RNF213: variants seen among roughly 807,000 people sequenced by gnomAD.
RNF213 encodes ring finger protein 213, also known as E3 ubiquitin-protein ligase RNF213.
RNF213 carries 341 observed loss-of-function variants against 514.4 expected under a neutral mutation model. The observed-to-expected ratio is 0.66, with a 90% CI of 0.61 to 0.73. The LOEUF is 0.73. Ranked by LOEUF, RNF213 falls within the 30% of genes least tolerant of loss-of-function variation. The pLI is 0.00. For synonymous variants in RNF213, 2,655 were observed against 2,658.2 expected (o/e 1.00, Z 0.04); for missense variants, 5,767 against 6,615.6 (o/e 0.87, Z 4.45).
At chr17:80,363,459 C>A in intron 40 of RNF213, 145 bp downstream of exon 40, 1 of 1,182,676 alleles carries the variant, frequency 8.5e-7, no homozygotes, top group Non-Finnish European at 1.2e-6. Flanking sequence ...ATGTTAAGGA[C>A]ACATCTCGCT....
At chr17:80,349,402 A>G (rs1314007703) in intron 29 of RNF213, among the ~76,000 whole-genome samples, 1 of 152,166 alleles carries the variant, frequency 6.6e-6, no homozygotes, top group African/African-American at 2.4e-5. Flanking sequence ...GGACAGCACC[A>G]ACCACGAACT....
At position 80,339,982 on chromosome 17, in the gene RNF213, A is replaced by G; in HGVS notation, c.5615A>G (p.Glu1872Gly). The part of the protein sequence containing the change: ...VLLCTPATTF[E>G]EVALLLRRCL... The stretch of plus-strand genomic sequence containing the variant: ...CTCTGCACCCCGGCAACCACCTTTG[A>G]GGAGGTGGCACTGTTGCTGCGCCGC... Residue 1872 changes from glutamate (E) to glycine (G), a missense_variant, in exon 26 of 68, where the codon GAG becomes GGG. This residue lies in a region of RNF213 where 1,377 missense variants were observed against 1,635.2 expected (regional missense o/e 0.84). Coordinates refer to ENST00000582970, the MANE Select transcript of RNF213 (RefSeq NM_001256071.3). 1 of 1,537,504 alleles carries G rather than the reference A, an allele frequency of 6.5e-7. No individual in the cohort carries two copies. Among genetic ancestry groups the G allele is most frequent in the East Asian group, 2.4e-5 (1 of 40,904 alleles).
Position 80,337,848 on chromosome 17 carries a change from G to A in RNF213, c.4684G>A (p.Val1562Ile). 1 of 1,537,238 alleles carries A rather than the reference G, an allele frequency of 6.5e-7. No homozygotes were observed. The highest frequency in any genetic ancestry group is 2.0e-5 in the Admixed American group (1 of 51,000). ...CTCTTCACAGATTTCCCCAGACACG[G>A]TTCTGCACTTGATCCTTCCTGAGAG... is the stretch of plus-strand genomic sequence containing the variant. ...KGGQKISPDTVLHLILPESPG... is the reference protein window; with the variant it reads ...KGGQKISPDTILHLILPESPG... The change falls in exon 25 of 68, where the codon GTT (valine) becomes ATT (isoleucine). Residue 1562 changes from valine to isoleucine, a missense_variant. Transcript: ENST00000582970.
In RNF213 at chr17:80,352,763, T is replaced by C. The variant is rs745883063; in HGVS notation, c.10304-177T>C. 52 of 872,858 alleles carry C rather than the reference T, an allele frequency of 6.0e-5. No individual in the cohort carries two copies. In the Admixed American group the frequency reaches 8.4e-4, roughly 14 times the overall value. The allele number at this position is 872,858 out of a possible 1,614,324, so 54.1% of individuals were successfully genotyped here. ...GATGGGCATAGAATCGGGTCGTGTATAGTATCGGGTTGGGTGGTTTCTGCG... is the reference window on the plus strand; with the variant it reads ...GATGGGCATAGAATCGGGTCGTGTACAGTATCGGGTTGGGTGGTTTCTGCG... On this transcript the variant is annotated intron_variant, in intron 32 of 67. Coordinates refer to ENST00000582970, the MANE Select transcript of RNF213 (RefSeq NM_001256071.3).
chr17:80,385,432 C>T, intron 60 of RNF213, 106 bp from the exon 61 acceptor site: 1 of 1,052,556 alleles, frequency 9.5e-7, no homozygotes, highest in Admixed American at 1.9e-5. Flanking sequence ...CTTGTGACTG[C>T]ACAAAGCAGG....
intron 10 of RNF213, among the ~76,000 whole-genome samples, chr17:80,296,021 G>C (rs995157190): frequency 2.0e-5 from 3 of 151,908 alleles, no homozygotes; most frequent in African/African-American, 7.3e-5. Flanking sequence ...TGAATTCCCT[G>C]CCTTTTGTTT....
At chr17:80,322,806 C>G (rs1281735202) in intron 17 of RNF213, among the ~76,000 whole-genome samples, 1 of 152,076 alleles carries the variant, frequency 6.6e-6, no homozygotes, top group Non-Finnish European at 1.5e-5. Context: ...TATATGATTG[C>G]AAGTATTTTC....
At chr17:80,319,610 G>A in intron 17 of RNF213, 1 of 1,543,990 alleles carries the variant, frequency 6.5e-7, no homozygotes, top group Non-Finnish European at 8.7e-7. Flanking sequence ...TCCTCAGATG[G>A]CCCTGTCATC....
intron 11 of RNF213, among the ~76,000 whole-genome samples, chr17:80,304,321 T>A (rs1020879728): frequency 2.6e-5 from 4 of 152,158 alleles, no homozygotes; most frequent in Non-Finnish European, 4.4e-5. Flanking sequence ...CTTGGGCTGT[T>A]TGATCCTGGA....
intron 32 of RNF213, 114 bp from the exon 33 acceptor site, chr17:80,352,826 C>A: frequency 1.3e-6 from 2 of 1,521,414 alleles, no homozygotes; most frequent in Non-Finnish European, 1.8e-6. Context: ...GGGTGCCAGT[C>A]ATTCATTGCG....
rs1230294491 is a variant in RNF213 at position 80,288,122 on chromosome 17, C to T, written c.569C>T (p.Ala190Val). The change falls in exon 4 of 68, where the codon GCT becomes GTT. Residue 190 changes from alanine to valine, a missense_variant. Ala to Val is a moderately conservative substitution (Grantham distance 64). Coordinates refer to ENST00000582970, the MANE Select transcript of RNF213 (RefSeq NM_001256071.3). This position sits in a 1 kb window ranked among gnomAD's most constrained non-coding sequence, Gnocchi z 4.9. ...GCAGGAGTGGCCACAGGAAGTGAGG[C>T]TCAGAGCAGCCCGCAATTCCAGGAC... is the stretch of plus-strand genomic sequence containing the variant. ...GEAGVATGSE[A>V]QSSPQFQDHT... The T allele has an allele frequency of 7.5e-6, 12 of 1,609,290 alleles. No homozygotes were observed. The highest frequency in any genetic ancestry group is 9.3e-6 in the Non-Finnish European group (11 of 1,177,098).
chr17:80,381,470 C>G (rs1474011427), intron 56 of RNF213, 77 bp from the exon 57 acceptor site: 1 of 1,475,290 alleles, frequency 6.8e-7, no homozygotes, highest in African/African-American at 1.4e-5. Context: ...GCTCCACTCC[C>G]AATGGCCTCT....
Position 80,343,828 on chromosome 17 carries a change from GT to G in RNF213, c.6184-26del. The stretch of plus-strand genomic sequence containing the variant: ...GGGAGAACTCGCCATCGTGTCGTGT[GT>G]TTACACCTCGTGCGATTCTGTTCTT... On this transcript the variant is annotated intron_variant, in intron 27 of 67. Coordinates refer to ENST00000582970, the MANE Select transcript of RNF213 (RefSeq NM_001256071.3). The surrounding 1 kb of genome is among the most constrained non-coding windows in gnomAD (Gnocchi z 4.3). The G allele has an allele frequency of 1.2e-6, 2 of 1,613,818 alleles. No individual in the cohort carries two copies. The highest frequency in any genetic ancestry group is 1.7e-6 in the Non-Finnish European group (2 of 1,179,802).
intron 11 of RNF213, among the ~76,000 whole-genome samples, chr17:80,304,959 C>A (rs1285157810): frequency 6.6e-6 from 1 of 152,212 alleles, no homozygotes; most frequent in Non-Finnish European, 1.5e-5. Context: ...TGGAATCACA[C>A]AGGATTTGTC....
intron 32 of RNF213, 61 bp downstream of exon 32, chr17:80,351,864 T>A (rs539675466): frequency 1.0e-6 from 1 of 1,003,758 alleles, no homozygotes; most frequent in South Asian, 1.4e-5. Context: ...TTTGTATCTA[T>A]TTATTTTTTG....
chr17:80,380,813 TTC>T lies in RNF213; in HGVS notation c.13641-13_13641-12del. 1 of 1,614,184 alleles carries T rather than the reference TTC, an allele frequency of 6.2e-7. No homozygotes were observed. Among genetic ancestry groups the T allele is most frequent in the Non-Finnish European group, 8.5e-7 (1 of 1,180,030 alleles). On this transcript the variant is annotated splice_polypyrimidine_tract_variant and intron_variant, in intron 55 of 67. Transcript: ENST00000582970. Reference sequence around the variant, plus strand: ...GGCCAGCCTCAGCCTCTGTCTTGTGTTCTCTCGTTCTTTCCAGAGACAAGGCA... The same window carrying T: ...GGCCAGCCTCAGCCTCTGTCTTGTGTTCTCGTTCTTTCCAGAGACAAGGCA...
At chr17:80,293,611 C>T (rs1461611138) in intron 8 of RNF213, among the ~76,000 whole-genome samples, 1 of 151,812 alleles carries the variant, frequency 6.6e-6, no homozygotes, top group Non-Finnish European at 1.5e-5. Flanking sequence ...ATCACGAGGT[C>T]AGGAGATCAA....
intron 20 of RNF213, among the ~76,000 whole-genome samples, chr17:80,330,016 T>C (rs1426101208): frequency 6.6e-6 from 1 of 152,208 alleles, no homozygotes; most frequent in Non-Finnish European, 1.5e-5. Context: ...ATCATTTTTC[T>C]CTCGGATTTT....
rs1349963404 is a variant in RNF213, at chr17:80,397,426, C to T, written c.*3928C>T. On this transcript the variant is annotated 3_prime_UTR_variant, in exon 68 of 68. Coordinates refer to ENST00000582970, the MANE Select transcript of RNF213 (RefSeq NM_001256071.3). ...GGCAGAAATGAAATCCACAAGCAGA[C>T]AGCCTGCACCACACCCTGGGCCTGG... The T allele has an allele frequency of 6.6e-6, 1 of 152,166 alleles. No individual in the cohort carries two copies. Among genetic ancestry groups the T allele is most frequent in the Non-Finnish European group, 1.5e-5 (1 of 68,040 alleles). 9.4% of individuals were successfully genotyped at this position (152,166 alleles called of 1,614,324 possible).
Sources: allele counts gnomAD v4.1 joint callset (sites outside exome capture counted in the v4.1 genomes callset), GRCh38; gene constraint gnomAD v4.1.1; regional missense constraint gnomAD v4.1.1; non-coding constraint Gnocchi (gnomAD v3.1); transcripts MANE v1.5; gene names NCBI Gene and HGNC (gene_info 2026-07-23, HGNC 2026-07-21).